Variants in SHTN1 observed in about 807,000 individuals in gnomAD.
SHTN1 encodes the protein shootin 1.
SHTN1 carries 42 observed loss-of-function variants against 83.1 expected under a neutral mutation model. That is an observed-to-expected ratio of 0.51 (90% CI 0.39 to 0.65). The LOEUF (loss-of-function observed/expected upper bound fraction) is 0.65, where lower values mean the gene tolerates loss of function less well. SHTN1 is among the 30% of genes least tolerant of loss of function. The probability of loss-of-function intolerance (pLI) is 0.00; values close to 1 mark genes in which losing one functional copy is unlikely to be tolerated. For synonymous variants in SHTN1, 224 were observed against 247.7 expected (o/e 0.90, Z 0.90); for missense variants, 622 against 737.8 (o/e 0.84, Z 1.82).
At chr10:117,028,386 G>T (rs1285059910) in intron 2 of SHTN1, among the ~76,000 whole-genome samples, 2 of 152,174 alleles carry the variant, frequency 1.3e-5, no homozygotes, top group East Asian at 3.9e-4. Flanking sequence ...ACTTTCAGGG[G>T]AGGAATTCCT....
chr10:117,091,847 G>A (rs1318515129), intron 1 of SHTN1, among the ~76,000 whole-genome samples: 1 of 152,126 alleles, frequency 6.6e-6, no homozygotes, highest in African/African-American at 2.4e-5. Context: ...CACTCTGCCA[G>A]AATGAGCCTA....
chr10:116,998,599 T>C (rs1411322096), intron 1 of SHTN1, among the ~76,000 whole-genome samples: 3 of 152,230 alleles, frequency 2.0e-5, no homozygotes, highest in South Asian at 4.1e-4. Context: ...TTATTATCCA[T>C]GATTTCAGGC....
rs769007543 is a variant in SHTN1, at chr10:117,122,117, G to C, written c.-189+4190C>G. On this transcript the variant is annotated intron_variant, in intron 1 of 17. Coordinates refer to the SHTN1 transcript ENST00000392901. The stretch of plus-strand genomic sequence containing the variant: ...TAACCTAATACAATGTAAATGCTAT[G>C]TAAATAATTGTTGTACTGTATTTGT... 1.5e-4 allele frequency among the ~76,000 whole-genome samples: 23 copies of C among 152,078 alleles called. 1 individual carries two copies. Among genetic ancestry groups the C allele is most frequent in the Admixed American group, 4.6e-4 (7 of 15,266 alleles).
At chr10:117,075,511 C>T (rs747655119) in intron 1 of SHTN1, among the ~76,000 whole-genome samples, 1 of 152,216 alleles carries the variant, frequency 6.6e-6, no homozygotes, top group African/African-American at 2.4e-5. Flanking sequence ...CCTGGGACTT[C>T]ATGGAACTTC....
At chr10:116,927,220 T>C (rs1848773682) in intron 11 of SHTN1, among the ~76,000 whole-genome samples, 1 of 152,312 alleles carries the variant, frequency 6.6e-6, no homozygotes. Context: ...AGTAAACACA[T>C]TCTGGAAAAG....
At chr10:117,078,840 C>T (rs1268119919) in intron 1 of SHTN1, among the ~76,000 whole-genome samples, 2 of 152,006 alleles carry the variant, frequency 1.3e-5, no homozygotes, top group Non-Finnish European at 2.9e-5. Flanking sequence ...TTTGGAAGGT[C>T]ATGTCTTTCA....
intron 16 of SHTN1, among the ~76,000 whole-genome samples, chr10:116,898,058 T>C (rs1847583997): frequency 6.6e-6 from 1 of 152,262 alleles, no homozygotes; most frequent in African/African-American, 2.4e-5. Context: ...CTGAGCGTGG[T>C]GGCTCATCCC....
chr10:116,899,546 T>TGTGTGTGTGTGTGTGTGTGTGTGA (rs1311755308), intron 16 of SHTN1, among the ~76,000 whole-genome samples: 4 of 123,894 alleles, frequency 3.2e-5, no homozygotes, highest in African/African-American at 1.2e-4. Flanking sequence ...TGTGTGTGTG[T>TGTGTGTGTGTGTGTGTGTGTGTGA]GAGAGAGTGC....
intron 1 of SHTN1, among the ~76,000 whole-genome samples, chr10:116,996,024 A>AT (rs1851615687): frequency 6.6e-6 from 1 of 152,192 alleles, no homozygotes; most frequent in Non-Finnish European, 1.5e-5. Flanking sequence ...AGCAAAGCAG[A>AT]TTTTAAAAGG....
chr10:116,973,857 T>C lies in SHTN1; in HGVS notation c.112-5145A>G, dbSNP rs749563922. 13 of 1,284,018 alleles carry C rather than the reference T, an allele frequency of 1.0e-5. No homozygotes were observed. The South Asian group carries it at 1.1e-4, about 11-fold the overall frequency. 79.5% of individuals were successfully genotyped at this position (1,284,018 alleles called of 1,614,324 possible). On this transcript the variant is annotated intron_variant, in intron 2 of 16. Transcript: ENST00000355371. ...ATTGTGTGTACTTTACCTGTTTACC[T>C]GTTTAAGAATCCTTGGCATACAATG...
At chr10:116,993,017 CTT>C (rs35364697) in intron 1 of SHTN1, among the ~76,000 whole-genome samples, 2 of 121,198 alleles carry the variant, frequency 1.7e-5, no homozygotes, top group African/African-American at 3.2e-5. Flanking sequence ...TCTTTTTTTT[CTT>C]TTTTTTTTTT....
rs565862228 is a variant in SHTN1, at chr10:116,973,648, C to T, written c.112-4936G>A. On this transcript the variant is annotated intron_variant, in intron 2 of 16. Transcript: ENST00000355371. ...GAAGTAAGCAATTCATAAGGACACC[C>T]GATATAATGTGAGAAATACTGCCAA... Among the ~76,000 whole-genome samples, 7 of 152,174 alleles carry T rather than the reference C, an allele frequency of 4.6e-5. No individual in the cohort carries two copies. The East Asian group carries it at 5.8e-4, about 13-fold the overall frequency.
chr10:117,008,184 G>A (rs995380303), upstream of SHTN1, among the ~76,000 whole-genome samples: 1 of 152,024 alleles, frequency 6.6e-6, no homozygotes. Flanking sequence ...AAGAATATGT[G>A]CCAAACTCAG....
At position 116,888,416 on chromosome 10, in the gene SHTN1, G is replaced by A. The variant is rs553615492; in HGVS notation, c.1674-1850C>T. On this transcript the variant is annotated intron_variant, in intron 16 of 16. Coordinates refer to ENST00000355371, the MANE Select transcript of SHTN1 (RefSeq NM_001127211.3). ...AGGAATCAGACCTTAGGGAATGAGAGGCACTAGTCATGCCGTCTGTGTAAA... is the reference window on the plus strand; with the variant it reads ...AGGAATCAGACCTTAGGGAATGAGAAGCACTAGTCATGCCGTCTGTGTAAA... Among the ~76,000 whole-genome samples the A allele has an allele frequency of 1.1e-4, 17 of 152,196 alleles. No individual in the cohort carries two copies. The South Asian group carries it at 2.5e-3, about 22-fold the overall frequency.
At chr10:117,111,245 A>C (rs1589936883) in intron 1 of SHTN1, among the ~76,000 whole-genome samples, 1 of 152,232 alleles carries the variant, frequency 6.6e-6, no homozygotes, top group East Asian at 1.9e-4. Context: ...TCAGCCCCCA[A>C]ATTTCTGATT....
At chr10:117,007,554 CAAAAAAAA>C (rs35941784), upstream of SHTN1, among the ~76,000 whole-genome samples, 2 of 16,372 alleles carry the variant, frequency 1.2e-4, no homozygotes, top group South Asian at 2.8e-3. Flanking sequence ...GACTCCATCT[CAAAAAAAA>C]AAAAAAAAAA....
intron 1 of SHTN1, among the ~76,000 whole-genome samples, chr10:116,985,011 TTC>T (rs1321352562): frequency 6.6e-6 from 1 of 152,218 alleles, no homozygotes; most frequent in Non-Finnish European, 1.5e-5. Flanking sequence ...CAACTGTTAC[TTC>T]TTCTAAGAAG....
At chr10:116,923,934 T>C (rs894282518) in intron 11 of SHTN1, among the ~76,000 whole-genome samples, 6 of 152,290 alleles carry the variant, frequency 3.9e-5, no homozygotes, top group South Asian at 2.1e-4. Flanking sequence ...CCCTTCCTAA[T>C]TGCCTTTTCT....
chr10:116,997,820 C>T (rs578171679), intron 1 of SHTN1, among the ~76,000 whole-genome samples: 5 of 152,282 alleles, frequency 3.3e-5, no homozygotes, highest in South Asian at 2.1e-4. Flanking sequence ...GGGCCAGGCG[C>T]GATGGCTCAC....
Sources: allele counts gnomAD v4.1 joint callset (sites outside exome capture counted in the v4.1 genomes callset), GRCh38; gene constraint gnomAD v4.1.1; transcripts MANE v1.5; gene names NCBI Gene and HGNC (gene_info 2026-07-23, HGNC 2026-07-21).